The following FMN1 variants were observed in gnomAD, a reference collection of about 807,000 sequenced individuals.
FMN1 encodes the protein formin 1, also known as formin-1.
A neutral mutation model predicts 132.4 loss-of-function variants in FMN1; 110 were observed. The ratio of observed to expected loss-of-function variants is 0.83; its 90% CI spans 0.71 to 0.97. FMN1 has a LOEUF of 0.97. Ranked by LOEUF, FMN1 falls within the 50% of genes least tolerant of loss-of-function variation. The pLI is 0.00. For synonymous variants in FMN1, 722 were observed against 651.7 expected (o/e 1.11, Z -1.64); for missense variants, 1,792 against 1,705.3 (o/e 1.05, Z -0.90).
At chr15:32,830,468 T>A (rs1245806615) in intron 17 of FMN1, among the ~76,000 whole-genome samples, 3 of 152,204 alleles carry the variant, frequency 2.0e-5, no homozygotes, top group African/African-American at 7.2e-5. Context: ...ATGAATTTGC[T>A]TTTATGAAGG....
chr15:33,184,399 A>G (rs937430045), intron 2 of FMN1, among the ~76,000 whole-genome samples: 55 of 151,764 alleles, frequency 3.6e-4, no homozygotes, highest in African/African-American at 1.2e-3. Context: ...GATCATTGTT[A>G]TTTTCTTCTT....
At chr15:32,990,258 G>A (rs539531540) in intron 7 of FMN1, among the ~76,000 whole-genome samples, 3 of 152,104 alleles carry the variant, frequency 2.0e-5, no homozygotes, top group South Asian at 2.1e-4. Flanking sequence ...ACAATTTGGC[G>A]TGCTGCAGAG....
In FMN1 at chr15:32,995,285, C is replaced by CT. The variant is rs1319965875; in HGVS notation, c.2223+12728dup. Among the ~76,000 whole-genome samples the CT allele has an allele frequency of 2.0e-5, 3 of 152,200 alleles. No individual in the cohort carries two copies. In the East Asian group the frequency reaches 5.8e-4, roughly 29 times the overall value. On this transcript the variant is annotated intron_variant, in intron 7 of 20. Coordinates refer to ENST00000616417, the MANE Select transcript of FMN1 (RefSeq NM_001277313.2). The stretch of plus-strand genomic sequence containing the variant: ...TATGAAATTGCCACAATCAGAAAAT[C>CT]TAAGTCTTGGAAAGAATCTTAGTTG...
rs552515533 is a variant in FMN1 at position 32,842,224 on chromosome 15, G to A, written c.3928+14791C>T. On this transcript the variant is annotated intron_variant, in intron 17 of 20. Transcript: ENST00000616417. ...ACTATGTAAGAAGGCTAACTACTGC[G>A]AGACCACCATGCTATGAGAAAGCGC... Among the ~76,000 whole-genome samples, 36 of 152,306 alleles carry A rather than the reference G, an allele frequency of 2.4e-4. No homozygotes were observed. In the South Asian group the frequency reaches 5.4e-3, roughly 23 times the overall value.
chr15:33,088,338 A>G (rs772891560), intron 5 of FMN1, among the ~76,000 whole-genome samples: 45 of 152,272 alleles, frequency 3.0e-4, no homozygotes, highest in Non-Finnish European at 5.6e-4. Context: ...TTTTCTGCCA[A>G]CCTAGTCACC....
chr15:32,813,504 A>T (rs2057956447), intron 17 of FMN1, among the ~76,000 whole-genome samples: 1 of 152,162 alleles, frequency 6.6e-6, no homozygotes, highest in South Asian at 2.1e-4. Flanking sequence ...TACTGACAAA[A>T]CACTTGGCCT....
At chr15:32,831,085 A>G (rs552942060) in intron 17 of FMN1, among the ~76,000 whole-genome samples, 1 of 152,292 alleles carries the variant, frequency 6.6e-6, no homozygotes, top group Non-Finnish European at 1.5e-5. Flanking sequence ...AGCCCATCTG[A>G]GTTCAATTTC....
intron 3 of FMN1, among the ~76,000 whole-genome samples, chr15:33,159,948 G>A (rs915420819): frequency 3.9e-5 from 6 of 152,172 alleles, no homozygotes; most frequent in East Asian, 3.8e-4. Context: ...TCTGCCTCTC[G>A]TTGATTTCGG....
chr15:32,823,242 A>G (rs1195057254), intron 17 of FMN1, among the ~76,000 whole-genome samples: 8 of 144,806 alleles, frequency 5.5e-5, no homozygotes. Context: ...GCTCACTGCA[A>G]GCTCTGCCTC....
intron 4 of FMN1, among the ~76,000 whole-genome samples, chr15:33,152,251 T>C (rs1964467353): frequency 6.6e-6 from 1 of 152,212 alleles, no homozygotes; most frequent in African/African-American, 2.4e-5. Flanking sequence ...TTTGGTCCTA[T>C]TGAATCCACA....
At chr15:32,829,936 G>A (rs531073639) in intron 17 of FMN1, among the ~76,000 whole-genome samples, 128 of 152,280 alleles carry the variant, frequency 8.4e-4, no homozygotes, top group Non-Finnish European at 1.2e-3. Flanking sequence ...GAGTTAGGAG[G>A]TACTGAATCC....
chr15:33,052,983 G>A (rs112320972), intron 6 of FMN1, among the ~76,000 whole-genome samples: 981 of 26,458 alleles, frequency 0.037, 3 homozygotes, highest in Admixed American at 0.071. Context: ...CCTGACTGTG[G>A]GGGTGTGGGA....
At chr15:33,018,106 C>T (rs1314499099) in intron 6 of FMN1, among the ~76,000 whole-genome samples, 1 of 151,868 alleles carries the variant, frequency 6.6e-6, no homozygotes, top group African/African-American at 2.4e-5. Flanking sequence ...AAATCCTACC[C>T]CCTTAAGGTG....
chr15:32,931,331 G>A (rs2061111122), intron 9 of FMN1, among the ~76,000 whole-genome samples: 1 of 152,154 alleles, frequency 6.6e-6, no homozygotes, highest in African/African-American at 2.4e-5. Flanking sequence ...AACATGAGAT[G>A]TCTTTACAGT....
chr15:32,891,879 G>A (rs1034049584), intron 15 of FMN1, among the ~76,000 whole-genome samples: 6 of 152,106 alleles, frequency 3.9e-5, no homozygotes, highest in African/African-American at 1.4e-4. Context: ...GTGTACAGAA[G>A]AGCTACTAAT....
intron 4 of FMN1, among the ~76,000 whole-genome samples, chr15:33,106,939 G>A (rs1318908975): frequency 6.6e-6 from 1 of 151,986 alleles, no homozygotes; most frequent in Non-Finnish European, 1.5e-5. Context: ...TATCATCTCA[G>A]CTCTAGTGAC....
At chr15:32,927,127 T>A (rs1405127823) in intron 9 of FMN1, among the ~76,000 whole-genome samples, 1 of 152,186 alleles carries the variant, frequency 6.6e-6, no homozygotes, top group Non-Finnish European at 1.5e-5. Flanking sequence ...TAAATGACTA[T>A]ATGAAAAGCA....
chr15:32,910,375 C>T (rs1038300247), intron 11 of FMN1, 99 bp downstream of exon 11: 11 of 970,030 alleles, frequency 1.1e-5, no homozygotes, highest in Admixed American at 4.1e-5. Flanking sequence ...TTCCAGGCCA[C>T]GTCAAAACCC....
At chr15:33,150,623 G>T in intron 4 of FMN1, 4 of 985,482 alleles carry the variant, frequency 4.1e-6, no homozygotes, top group Non-Finnish European at 4.8e-6. Context: ...GGATAAGCGG[G>T]TTTCACTGGT....
Sources: allele counts gnomAD v4.1 joint callset (sites outside exome capture counted in the v4.1 genomes callset), GRCh38; gene constraint gnomAD v4.1.1; transcripts MANE v1.5; gene names NCBI Gene and HGNC (gene_info 2026-07-23, HGNC 2026-07-21).